The following SLC44A1 variants were observed in gnomAD, a reference collection of about 807,000 sequenced individuals.
SLC44A1 encodes the protein choline transporter-like protein 1.
SLC44A1 carries 26 observed loss-of-function variants against 79.3 expected under a neutral mutation model. The observed-to-expected ratio is 0.33, with a 90% CI of 0.24 to 0.46. The LOEUF is 0.46. Ranked by LOEUF, SLC44A1 falls within the 20% of genes least tolerant of loss-of-function variation. SLC44A1 has a pLI of 1.00. For missense variants in SLC44A1, 688 were observed against 798.1 expected, an observed-to-expected ratio of 0.86 and a Z score of 1.66; for synonymous variants, 263 against 286.2, an observed-to-expected ratio of 0.92 and a Z score of 0.82.
intron 13 of SLC44A1, among the ~76,000 whole-genome samples, chr9:105,379,985 C>T (rs1206164876): frequency 6.6e-6 from 1 of 151,980 alleles, no homozygotes; most frequent in Non-Finnish European, 1.5e-5. Context: ...TAATATCTTT[C>T]AAAATGTAGG....
intron 1 of SLC44A1, among the ~76,000 whole-genome samples, chr9:105,293,612 T>G (rs1207899034): frequency 6.6e-6 from 1 of 152,220 alleles, no homozygotes; most frequent in Non-Finnish European, 1.5e-5. Flanking sequence ...AATTGGCCCC[T>G]GGCGTTGGCC....
intron 6 of SLC44A1, among the ~76,000 whole-genome samples, chr9:105,356,686 C>T (rs764552006): frequency 6.6e-6 from 1 of 151,728 alleles, no homozygotes; most frequent in South Asian, 2.1e-4. Flanking sequence ...AATCAACAAC[C>T]CTCTGTTTTT....
intron 2 of SLC44A1, among the ~76,000 whole-genome samples, chr9:105,306,167 C>G (rs1271997249): frequency 6.6e-6 from 1 of 152,138 alleles, no homozygotes; most frequent in Non-Finnish European, 1.5e-5. Flanking sequence ...GGTTTTCTTC[C>G]TTGCTAATAG....
At chr9:105,386,980 A>G (rs1588859215) in intron 15 of SLC44A1, among the ~76,000 whole-genome samples, 1 of 142,830 alleles carries the variant, frequency 7.0e-6, no homozygotes, top group Admixed American at 7.1e-5. Context: ...CAGAGGTTGC[A>G]GTGAGCCAAG....
intron 12 of SLC44A1, among the ~76,000 whole-genome samples, chr9:105,371,266 A>T (rs1396812185): frequency 6.6e-6 from 1 of 152,226 alleles, no homozygotes; most frequent in African/African-American, 2.4e-5. Context: ...CTAGAACAGG[A>T]GGTCAGCAAG....
At chr9:105,252,201 G>T (rs1449484290) in intron 1 of SLC44A1, among the ~76,000 whole-genome samples, 1 of 152,210 alleles carries the variant, frequency 6.6e-6, no homozygotes, top group African/African-American at 2.4e-5. Flanking sequence ...CTTATGGCCT[G>T]CAAGCATAAA....
In SLC44A1 at chr9:105,392,902, T is replaced by C; in HGVS notation, c.*3846T>C. ...TGAGAAGTTTCCTCCAGAAAGGTCT[T>C]TAAGCTTTCGCTTTTCAATAAGTAA... On this transcript the variant is annotated 3_prime_UTR_variant, in exon 16 of 16. Transcript: ENST00000374720. The C allele has an allele frequency of 4.1e-6, 4 of 985,334 alleles. No homozygotes were observed. The highest frequency in any genetic ancestry group is 4.8e-6 in the Non-Finnish European group (4 of 829,824). The allele number at this position is 985,334 out of a possible 1,614,324, so 61.0% of individuals were successfully genotyped here.
At chr9:105,288,343 TTTTG>T (rs1197225844) in intron 1 of SLC44A1, among the ~76,000 whole-genome samples, 7 of 152,166 alleles carry the variant, frequency 4.6e-5, no homozygotes, top group Admixed American at 3.3e-4. Flanking sequence ...TTAATGTTTT[TTTTG>T]TTTGTTTGTT....
At chr9:105,310,017 C>A in intron 3 of SLC44A1, 151 bp downstream of exon 3, 1 of 730,104 alleles carries the variant, frequency 1.4e-6, no homozygotes, top group Admixed American at 3.0e-5. Context: ...TTCACTGAAC[C>A]CTTGAATGAT....
At chr9:105,350,462 G>A (rs1235433443) in intron 5 of SLC44A1, among the ~76,000 whole-genome samples, 2 of 152,092 alleles carry the variant, frequency 1.3e-5, no homozygotes, top group Non-Finnish European at 2.9e-5. Context: ...TCATAGTCTA[G>A]TAGGGACTAT....
chr9:105,356,738 G>A (rs951844623), intron 6 of SLC44A1, among the ~76,000 whole-genome samples: 7 of 152,126 alleles, frequency 4.6e-5, no homozygotes, highest in Middle Eastern at 3.4e-3. Context: ...TACAGGAGGC[G>A]ACATATTCTC....
At chr9:105,303,218 G>C (rs1487087643) in intron 2 of SLC44A1, among the ~76,000 whole-genome samples, 1 of 151,796 alleles carries the variant, frequency 6.6e-6, no homozygotes, top group African/African-American at 2.4e-5. Flanking sequence ...TGCCCAATAA[G>C]GTACTCCCTG....
intron 2 of SLC44A1, among the ~76,000 whole-genome samples, chr9:105,302,540 A>G (rs945542650): frequency 3.3e-5 from 5 of 151,836 alleles, no homozygotes; most frequent in African/African-American, 1.2e-4. Context: ...TTCAATAGAG[A>G]TGGAGTTTCA....
rs751630300 is a variant in SLC44A1 at position 105,383,394 on chromosome 9, A to G, written c.1869+35A>G. The stretch of plus-strand genomic sequence containing the variant: ...TCAAATGCCGTTTCCTATTTTAGGG[A>G]TAAAAATACCAATAAAAATATTTTG... On this transcript the variant is annotated intron_variant, in intron 14 of 15. Coordinates refer to ENST00000374720, the MANE Select transcript of SLC44A1 (RefSeq NM_080546.5). 2.7e-6 allele frequency: 3 copies of G among 1,122,330 alleles called. No homozygotes were observed. The South Asian group carries it at 3.8e-5, about 14-fold the overall frequency. The allele number at this position is 1,122,330 out of a possible 1,614,324, so 69.5% of individuals were successfully genotyped here.
chr9:105,408,566 C>T (rs942422921), intron 15 of SLC44A1, among the ~76,000 whole-genome samples: 2 of 152,122 alleles, frequency 1.3e-5, no homozygotes, highest in African/African-American at 4.8e-5. Context: ...CATGCCACCA[C>T]ATCTGGCTAA....
chr9:105,353,666 G>A (rs1827523028), intron 5 of SLC44A1, among the ~76,000 whole-genome samples: 1 of 152,104 alleles, frequency 6.6e-6, no homozygotes, highest in African/African-American at 2.4e-5. Context: ...AAAGAAAACA[G>A]GAAGGCAGGG....
chr9:105,273,811 T>A (rs1050802718), intron 1 of SLC44A1, among the ~76,000 whole-genome samples: 1 of 152,186 alleles, frequency 6.6e-6, no homozygotes, highest in African/African-American at 2.4e-5. Context: ...ACAATATGTG[T>A]CTGAGTTTTT....
intron 15 of SLC44A1, among the ~76,000 whole-genome samples, chr9:105,431,302 G>A (rs1006914364): frequency 1.3e-5 from 2 of 152,158 alleles, no homozygotes; most frequent in Non-Finnish European, 2.9e-5. Context: ...TTTGCATGTG[G>A]ATATCCAGTT....
chr9:105,305,076 T>A (rs1830990550), intron 2 of SLC44A1, among the ~76,000 whole-genome samples: 1 of 141,736 alleles, frequency 7.1e-6, no homozygotes, highest in Non-Finnish European at 1.5e-5. Context: ...GTTCAAGCAA[T>A]CCTCCTGCTT....
Sources: gnomAD v4.1 joint callset for allele counts (sites outside exome capture counted in the v4.1 genomes callset) on GRCh38, gnomAD v4.1.1 for gene constraint, MANE v1.5 for transcripts, NCBI Gene and HGNC (gene_info 2026-07-23, HGNC 2026-07-21) for gene names.